Variants in IL7 observed in about 807,000 individuals in gnomAD.
IL7 encodes the protein interleukin-7.
A neutral mutation model predicts 21.6 loss-of-function variants in IL7; 3 were observed. That is an observed-to-expected ratio of 0.14 (90% CI 0.06 to 0.36). The LOEUF (loss-of-function observed/expected upper bound fraction) is 0.36. IL7 is among the 10% of genes least tolerant of loss of function. The probability of loss-of-function intolerance (pLI) is 1.00; values close to 1 mark genes in which losing one functional copy is unlikely to be tolerated. For synonymous variants in IL7, 62 were observed against 68.1 expected (o/e 0.91, Z 0.44); for missense variants, 175 against 200.2 (o/e 0.87, Z 0.76).
rs1811467581 is a variant in IL7 at position 78,733,194 on chromosome 8, T to C, written c.*519A>G. 1 of 152,212 alleles carries C rather than the reference T, an allele frequency of 6.6e-6. No individual in the cohort carries two copies. Among genetic ancestry groups the C allele is most frequent in the Non-Finnish European group, 1.5e-5 (1 of 68,092 alleles). 9.4% of individuals were successfully genotyped at this position (152,212 alleles called of 1,614,324 possible). A position where few individuals can be genotyped will look rare whatever the true frequency, so the allele number is the denominator to read the frequency against. On this transcript the variant is annotated 3_prime_UTR_variant, in exon 6 of 6. Transcript: ENST00000263851. Reference sequence around the variant, plus strand: ...TGTTATGCTGTTGCTTACTTAAGGTTTATGACTCTCTTATTCTCACCGGCA... The same window carrying C: ...TGTTATGCTGTTGCTTACTTAAGGTCTATGACTCTCTTATTCTCACCGGCA...
At chr8:78,783,213 T>C (rs1415695528) in intron 2 of IL7, among the ~76,000 whole-genome samples, 1 of 152,190 alleles carries the variant, frequency 6.6e-6, no homozygotes, top group Non-Finnish European at 1.5e-5. Context: ...TGCTCTGTGC[T>C]TGGAACCCAA....
intron 3 of IL7, chr8:78,698,355 C>T (rs1453844695): frequency 1.5e-6 from 2 of 1,346,144 alleles, no homozygotes; most frequent in East Asian, 2.4e-5. Context: ...TTGTTAGATG[C>T]TCTGTTTTAT....
chr8:78,700,868 A>G lies in IL7; in HGVS notation n.215-14921T>C, dbSNP rs183015385. On this transcript the variant is annotated intron_variant and non_coding_transcript_variant, in intron 3 of 4. Transcript: ENST00000523959. ...ATTCTGTTCCACTGGTCCATGTTCC[A>G]GTACCATGCTGTTTTGATTACTGTA... Among the ~76,000 whole-genome samples, 363 of 151,882 alleles carry G rather than the reference A, an allele frequency of 2.4e-3. 2 individuals are homozygous for G. Among genetic ancestry groups the G allele is most frequent in the African/African-American group, 8.1e-3 (338 of 41,522 alleles).
In IL7 at chr8:78,783,862, T is replaced by TG. The variant is rs1563434626; in HGVS notation, c.147+14209_147+14210insC. 3.9e-5 allele frequency among the ~76,000 whole-genome samples: 6 copies of TG among 152,238 alleles called. No individual in the cohort carries two copies. In the East Asian group the frequency reaches 1.2e-3, roughly 29 times the overall value. On this transcript the variant is annotated intron_variant, in intron 2 of 5. Transcript: ENST00000263851. ...AAATATGTAAAGCAAAGCAGCCAAG[T>TG]ATGATAAACCAAACTGTCAGAAGAG...
At chr8:78,775,330 C>T (rs139859585) in intron 2 of IL7, among the ~76,000 whole-genome samples, 165 of 152,194 alleles carry the variant, frequency 1.1e-3, no homozygotes, top group Non-Finnish European at 1.4e-3. Flanking sequence ...CAGTGCCATA[C>T]GTCACAAAAT....
At chr8:78,712,378 AT>A (rs1169382040) in intron 3 of IL7, among the ~76,000 whole-genome samples, 1 of 152,128 alleles carries the variant, frequency 6.6e-6, no homozygotes, top group African/African-American at 2.4e-5. Context: ...TTTAATAATT[AT>A]TTTTATGAAG....
At chr8:78,739,730 A>G (rs1048906655) in intron 3 of IL7, among the ~76,000 whole-genome samples, 6 of 152,144 alleles carry the variant, frequency 3.9e-5, no homozygotes, top group African/African-American at 1.4e-4. Flanking sequence ...AAAGAAAATA[A>G]GAGATAGGTG....
At chr8:78,677,447 G>A (rs999739862) in intron 4 of IL7, among the ~76,000 whole-genome samples, 1 of 152,042 alleles carries the variant, frequency 6.6e-6, no homozygotes, top group African/African-American at 2.4e-5. Flanking sequence ...CCAGAAGGGA[G>A]GAAAAGAATT....
At chr8:78,691,910 C>T (rs894969286) in intron 3 of IL7, among the ~76,000 whole-genome samples, 9 of 152,004 alleles carry the variant, frequency 5.9e-5, no homozygotes, top group South Asian at 2.1e-4. Flanking sequence ...AAATTGTAAA[C>T]GTGCAGATTA....
At chr8:78,737,583 A>G (rs1328250166) in intron 4 of IL7, among the ~76,000 whole-genome samples, 2 of 152,150 alleles carry the variant, frequency 1.3e-5, no homozygotes, top group Non-Finnish European at 2.9e-5. Flanking sequence ...AAGCAATGAT[A>G]AATGAGGCTA....
At chr8:78,802,725 G>A (rs1384481568) in intron 1 of IL7, among the ~76,000 whole-genome samples, 1 of 152,098 alleles carries the variant, frequency 6.6e-6, no homozygotes, top group Non-Finnish European at 1.5e-5. Context: ...GAGCCACCAT[G>A]CCTAGTCAGA....
downstream of IL7, among the ~76,000 whole-genome samples, chr8:78,731,987 G>A (rs1811432793): frequency 6.6e-6 from 1 of 151,960 alleles, no homozygotes; most frequent in East Asian, 1.9e-4. Flanking sequence ...AGCCTTGAAG[G>A]AAACATTTTC....
intron 2 of IL7, among the ~76,000 whole-genome samples, chr8:78,782,889 G>A (rs1483899918): frequency 6.6e-6 from 1 of 152,124 alleles, no homozygotes; most frequent in African/African-American, 2.4e-5. Flanking sequence ...TGGAGATGAT[G>A]AAATTCCCAG....
At chr8:78,760,993 A>G in intron 2 of IL7, 2 of 1,595,568 alleles carry the variant, frequency 1.3e-6, no homozygotes, top group Non-Finnish European at 1.7e-6. Flanking sequence ...TAACAATGAA[A>G]TCAAAATCTG....
At chr8:78,789,336 A>T (rs1813611814) in intron 2 of IL7, among the ~76,000 whole-genome samples, 1 of 152,222 alleles carries the variant, frequency 6.6e-6, no homozygotes, top group African/African-American at 2.4e-5. Context: ...ATTTTACTCT[A>T]GCATAAATTG....
intron 3 of IL7, among the ~76,000 whole-genome samples, chr8:78,695,035 A>T (rs916138768): frequency 6.6e-6 from 1 of 152,166 alleles, no homozygotes; most frequent in Non-Finnish European, 1.5e-5. Context: ...TAGAATAGAT[A>T]GAATATAGCT....
At chr8:78,750,572 C>T (rs1812132843) in intron 2 of IL7, among the ~76,000 whole-genome samples, 1 of 152,132 alleles carries the variant, frequency 6.6e-6, no homozygotes, top group African/African-American at 2.4e-5. Flanking sequence ...GCCTGTAATC[C>T]CAGCACTTTG....
intron 3 of IL7, chr8:78,698,529 A>T (rs373403018): frequency 1.3e-6 from 2 of 1,537,970 alleles, no homozygotes; most frequent in African/African-American, 2.8e-5. Flanking sequence ...TCTACACTGG[A>T]TATAATTATT....
At chr8:78,743,559 T>C (rs1337056568) in intron 2 of IL7, among the ~76,000 whole-genome samples, 2 of 152,312 alleles carry the variant, frequency 1.3e-5, no homozygotes, top group Non-Finnish European at 1.5e-5. Context: ...GTTTGGTCTA[T>C]TCTACTATTA....
Sources: gnomAD v4.1 joint callset for allele counts (sites outside exome capture counted in the v4.1 genomes callset) on GRCh38, gnomAD v4.1.1 for gene constraint, MANE v1.5 for transcripts, NCBI Gene and HGNC (gene_info 2026-07-23, HGNC 2026-07-21) for gene names.